Variants in PIK3R3 observed in about 807,000 individuals in gnomAD.
The protein encoded by PIK3R3 is phosphatidylinositol 3-kinase regulatory subunit gamma.
Under a neutral mutation model 62.9 loss-of-function variants are expected in PIK3R3, and 64 were observed. That is an observed-to-expected ratio of 1.02 (90% CI 0.83 to 1.25). The LOEUF (loss-of-function observed/expected upper bound fraction) is 1.25, where lower values mean the gene tolerates loss of function less well. Ranked by LOEUF, PIK3R3 falls within the 50% of genes most tolerant of loss-of-function variation. The pLI is 0.00. For synonymous variants in PIK3R3, 165 were observed against 189.0 expected, an observed-to-expected ratio of 0.87 and a Z score of 1.04; for missense variants, 614 against 561.6, an observed-to-expected ratio of 1.09 and a Z score of -0.94.
chr1:46,052,277 G>A (rs998508924), intron 7 of PIK3R3, among the ~76,000 whole-genome samples: 1 of 152,160 alleles, frequency 6.6e-6, no homozygotes, highest in African/African-American at 2.4e-5. Context: ...GTGGCTGACT[G>A]GGGATACCAG....
chr1:46,133,043 G>A, upstream of PIK3R3: 1 of 1,021,774 alleles, frequency 9.8e-7, no homozygotes, highest in Non-Finnish European at 1.2e-6. Flanking sequence ...GGTTGCCGGA[G>A]CCTGGAGCCT....
intron 2 of PIK3R3, 52 bp downstream of exon 2, chr1:46,080,590 C>G: frequency 7.9e-7 from 1 of 1,262,716 alleles, no homozygotes; most frequent in South Asian, 1.2e-5. Flanking sequence ...TACTAATTCT[C>G]AAAAATGACT....
chr1:46,043,908 G>T, intron 9 of PIK3R3, 37 bp from the exon 10 acceptor site: 1 of 1,546,130 alleles, frequency 6.5e-7, no homozygotes, highest in Non-Finnish European at 8.9e-7. Flanking sequence ...GTTAAGGTAG[G>T]TAACAATAGA....
At chr1:46,091,993 GTTGT>G (rs1275547673) in intron 1 of PIK3R3, among the ~76,000 whole-genome samples, 4 of 151,860 alleles carry the variant, frequency 2.6e-5, no homozygotes, top group Non-Finnish European at 5.9e-5. Context: ...CTAATCCACA[GTTGT>G]TTGTTATTTC....
chr1:46,109,348 G>A (rs1482291081), intron 1 of PIK3R3, among the ~76,000 whole-genome samples: 1 of 152,036 alleles, frequency 6.6e-6, no homozygotes, highest in Non-Finnish European at 1.5e-5. Context: ...TCTTGTTAAG[G>A]TTGTCTCAAT....
chr1:46,158,230 A>G, the PIK3R3 span, among the ~76,000 whole-genome samples: 2 of 152,158 alleles, frequency 1.3e-5, no homozygotes, highest in Admixed American at 6.5e-5. Flanking sequence ...AAAGTGTCCA[A>G]TGGCTCTCTA....
intron 1 of PIK3R3, among the ~76,000 whole-genome samples, chr1:46,128,395 C>T (rs1255463498): frequency 1.3e-5 from 2 of 152,096 alleles, no homozygotes; most frequent in Non-Finnish European, 2.9e-5. Context: ...CGAGATAGAG[C>T]CACTGCACTC....
chr1:46,150,665 A>C, the PIK3R3 span, among the ~76,000 whole-genome samples: 3 of 152,222 alleles, frequency 2.0e-5, no homozygotes, highest in African/African-American at 7.2e-5. Context: ...TTAAAACTCT[A>C]AGTTAGAGAA....
the PIK3R3 span, among the ~76,000 whole-genome samples, chr1:46,158,318 C>T: frequency 1.3e-5 from 2 of 152,226 alleles, no homozygotes; most frequent in African/African-American, 2.4e-5. Flanking sequence ...CACCTTCCAA[C>T]ATACCATGCT....
chr1:46,044,937 C>T lies in PIK3R3; in HGVS notation c.1187+981G>A, dbSNP rs1345269028. 6.6e-6 allele frequency among the ~76,000 whole-genome samples: 1 copy of T among 152,214 alleles called. No homozygotes were observed. The highest frequency in any genetic ancestry group is 1.5e-5 in the Non-Finnish European group (1 of 68,048). On this transcript the variant is annotated intron_variant, in intron 9 of 9. Coordinates refer to ENST00000262741, the MANE Select transcript of PIK3R3 (RefSeq NM_003629.4). The surrounding 1 kb of genome is among the most constrained non-coding windows in gnomAD (Gnocchi z 4.2). ...CTATGAACAAGATGATCACATAAAG[C>T]ACTGAGCAGTCTGTTAATATGAATG...
intron 1 of PIK3R3, among the ~76,000 whole-genome samples, chr1:46,121,953 T>A (rs1375528849): frequency 6.6e-6 from 1 of 152,030 alleles, no homozygotes; most frequent in South Asian, 2.1e-4. Flanking sequence ...CTTTAAAAAT[T>A]AGCCAGGTGT....
At chr1:46,135,822 G>T (rs1272215577), upstream of PIK3R3, among the ~76,000 whole-genome samples, 1 of 152,000 alleles carries the variant, frequency 6.6e-6, no homozygotes, top group African/African-American at 2.4e-5. Context: ...ACGAGGTCGG[G>T]AGTTTGAGAC....
rs749337134 is a variant in PIK3R3 at position 46,061,959 on chromosome 1, C to A, written c.734G>T (p.Arg245Leu). ...AATCTCCTTTTCATTCCCCTCTCTG[C>A]GAAATCGCTCAATATATTCTTTGCT... is the stretch of plus-strand genomic sequence containing the variant. ...QHSKEYIERF[R>L]REGNEKEIER... Residue 245 changes from arginine (R) to leucine (L), a missense_variant, in exon 6 of 10, where the codon CGC becomes CTC. Coordinates refer to ENST00000262741, the MANE Select transcript of PIK3R3 (RefSeq NM_003629.4). The A allele has an allele frequency of 1.9e-6, 3 of 1,613,222 alleles. No homozygotes were observed. Among genetic ancestry groups the A allele is most frequent in the South Asian group, 2.2e-5 (2 of 91,030 alleles).
Position 46,055,714 on chromosome 1 carries a change from T to G in PIK3R3, c.941+81A>C, listed in dbSNP as rs375880534. The stretch of plus-strand genomic sequence containing the variant: ...TTCTCAATTACAAATCTCTAATCTC[T>G]TCTTCCACCTCTAGTGTCTCTAGTG... On this transcript the variant is annotated intron_variant, in intron 7 of 9. Transcript: ENST00000262741. 6.4e-5 allele frequency: 58 copies of G among 910,984 alleles called. No homozygotes were observed. The East Asian group carries it at 9.9e-4, about 16-fold the overall frequency. 56.4% of individuals were successfully genotyped at this position (910,984 alleles called of 1,614,324 possible).
At chr1:46,131,639 C>T (rs536929644) in intron 1 of PIK3R3, 1 of 463,038 alleles carries the variant, frequency 2.2e-6, no homozygotes, top group Non-Finnish European at 4.4e-6. Context: ...GCCCCCACCC[C>T]CACCTTCGCA....
At chr1:46,131,742 A>G (rs1655616756) in intron 1 of PIK3R3, 105 bp downstream of exon 1, 2 of 1,108,582 alleles carry the variant, frequency 1.8e-6, no homozygotes, top group East Asian at 2.5e-5. Flanking sequence ...CCTCATCCCG[A>G]ACCTAGCGCA....
chr1:46,162,086 C>T, the PIK3R3 span, among the ~76,000 whole-genome samples: 13 of 142,570 alleles, frequency 9.1e-5, no homozygotes, highest in South Asian at 1.6e-3. Context: ...AGTGAGACTC[C>T]GTCTCAAAAA....
intron 3 of PIK3R3, among the ~76,000 whole-genome samples, chr1:46,076,043 C>G (rs1260158584): frequency 6.6e-6 from 1 of 152,166 alleles, no homozygotes; most frequent in Non-Finnish European, 1.5e-5. Context: ...TATCCTCAGC[C>G]AATTGGATGG....
chr1:46,103,767 TG>T (rs1272618527), intron 1 of PIK3R3, among the ~76,000 whole-genome samples: 1 of 151,578 alleles, frequency 6.6e-6, no homozygotes, highest in African/African-American at 2.4e-5. Flanking sequence ...GCTAATTTTT[TG>T]TATTTTTAGT....
Sources: allele counts gnomAD v4.1 joint callset (sites outside exome capture counted in the v4.1 genomes callset), GRCh38; gene constraint gnomAD v4.1.1; non-coding constraint Gnocchi (gnomAD v3.1); transcripts MANE v1.5; gene names NCBI Gene and HGNC (gene_info 2026-07-23, HGNC 2026-07-21).